DNAH9: variants seen among roughly 807,000 people sequenced by gnomAD.
DNAH9 encodes the protein DNAH9 variant protein.
Under a neutral mutation model 471.6 loss-of-function variants are expected in DNAH9, and 345 were observed. That is an observed-to-expected ratio of 0.73 (90% CI 0.67 to 0.80). DNAH9 has a LOEUF of 0.80. DNAH9 is among the 30% of genes least tolerant of loss of function. DNAH9 has a pLI of 0.00. For synonymous variants in DNAH9, 2,093 were observed against 2,123.6 expected (o/e 0.99, Z 0.40); for missense variants, 5,407 against 5,609.2 (o/e 0.96, Z 1.15).
chr17:11,903,053 T>A, intron 60 of DNAH9, 141 bp downstream of exon 60: 2 of 957,910 alleles, frequency 2.1e-6, no homozygotes, highest in Non-Finnish European at 3.0e-6. Context: ...AGAAATTAAC[T>A]AAACAGGCCA....
intron 42 of DNAH9, among the ~76,000 whole-genome samples, chr17:11,797,228 G>T (rs566239176): frequency 2.0e-5 from 3 of 152,212 alleles, no homozygotes; most frequent in African/African-American, 7.2e-5. Flanking sequence ...AAAGTGAGGC[G>T]ATTGGGCCAC....
In DNAH9 at chr17:11,942,439, C is replaced by T. The variant is rs764717107; in HGVS notation, c.12797C>T (p.Thr4266Ile). 8 of 1,614,118 alleles carry T rather than the reference C, an allele frequency of 5.0e-6. No individual in the cohort carries two copies. In the East Asian group the frequency reaches 1.8e-4, roughly 36 times the overall value. The change falls in exon 67 of 69, where the codon ACC (threonine) becomes ATC (isoleucine). Residue 4266 changes from threonine to isoleucine, a missense_variant. Thr to Ile is a moderately conservative substitution (Grantham distance 89). Coordinates refer to ENST00000262442, the MANE Select transcript of DNAH9 (RefSeq NM_001372.4). Reference sequence around the variant, plus strand: ...GAGTGTGGCCGGATGAATATCCTCACCAGAGAGATTCAGCGCTCACTGAGG... The same window carrying T: ...GAGTGTGGCCGGATGAATATCCTCATCAGAGAGATTCAGCGCTCACTGAGG... Reference protein sequence around the residue: ...FQECGRMNILTREIQRSLREL... With the variant: ...FQECGRMNILIREIQRSLREL...
intron 28 of DNAH9, among the ~76,000 whole-genome samples, chr17:11,728,191 G>T (rs973556699): frequency 2.0e-5 from 3 of 152,084 alleles, no homozygotes; most frequent in Admixed American, 6.6e-5. Context: ...TATCTGTCCT[G>T]CCTGCTTCAT....
intron 38 of DNAH9, among the ~76,000 whole-genome samples, chr17:11,777,068 T>C (rs1185258902): frequency 6.6e-6 from 1 of 152,240 alleles, no homozygotes; most frequent in African/African-American, 2.4e-5. Flanking sequence ...GACCATTCTG[T>C]AGCCTGATAT....
At chr17:11,701,080 A>G in intron 23 of DNAH9, 42 bp from the exon 24 acceptor site, 1 of 1,612,238 alleles carries the variant, frequency 6.2e-7, no homozygotes, top group South Asian at 1.1e-5. Context: ...ACTAACCAAA[A>G]CTTCTCAGGC....
At chr17:11,651,436 GTC>G (rs2073504675) in intron 13 of DNAH9, 112 bp downstream of exon 13, 2 of 1,139,136 alleles carry the variant, frequency 1.8e-6, no homozygotes, top group Admixed American at 4.9e-5. Context: ...TGAAACATAA[GTC>G]TGTCTTCTCC....
chr17:11,874,313 A>G (rs1972391050), intron 52 of DNAH9, among the ~76,000 whole-genome samples: 1 of 151,934 alleles, frequency 6.6e-6, no homozygotes, highest in Admixed American at 6.6e-5. Context: ...TGTCTAGGGC[A>G]CACACAGGAG....
chr17:11,894,431 C>G lies in DNAH9; in HGVS notation c.11341C>G (p.Pro3781Ala), dbSNP rs78870819. ...AVELDFLLRS[P>A]VQTGTASPVE... is the part of the protein sequence containing the mutation. ...GGAGTTGGATTTCCTGCTTCGATCTCCAGTGCAGACGGGCACCGCCAGCCC... is the reference window on the plus strand; with the variant it reads ...GGAGTTGGATTTCCTGCTTCGATCTGCAGTGCAGACGGGCACCGCCAGCCC... The change falls in exon 59 of 69, where the codon CCA becomes GCA. Residue 3781 changes from proline to alanine, a missense_variant. This residue lies in a region of DNAH9 where 4,636 missense variants were observed against 4,900.3 expected (regional missense o/e 0.95). Transcript: ENST00000262442. The G allele has an allele frequency of 1.2e-6, 2 of 1,614,188 alleles. No homozygotes were observed. Among genetic ancestry groups the G allele is most frequent in the South Asian group, 2.2e-5 (2 of 91,082 alleles).
chr17:11,732,725 A>C (rs1348343248), intron 28 of DNAH9, among the ~76,000 whole-genome samples: 1 of 152,170 alleles, frequency 6.6e-6, no homozygotes. Context: ...TTACTATTGC[A>C]ATCAGCTGTC....
At chr17:11,829,574 C>T (rs141787658) in intron 48 of DNAH9, among the ~76,000 whole-genome samples, 265 of 152,288 alleles carry the variant, frequency 1.7e-3, no homozygotes, top group African/African-American at 5.4e-3. Context: ...CAGGTTCAAA[C>T]GATTCTCATG....
chr17:11,787,115 G>T (rs1159882478), intron 41 of DNAH9, among the ~76,000 whole-genome samples: 3 of 152,180 alleles, frequency 2.0e-5, no homozygotes, highest in African/African-American at 7.2e-5. Flanking sequence ...TCACGAATCC[G>T]AATTGGGTAG....
At chr17:11,935,660 C>CCGT (rs1567561797) in intron 65 of DNAH9, among the ~76,000 whole-genome samples, 2 of 152,162 alleles carry the variant, frequency 1.3e-5, no homozygotes, top group Non-Finnish European at 2.9e-5. Context: ...AGGCGTGAGC[C>CCGT]ACCGCGCCCG....
intron 31 of DNAH9, among the ~76,000 whole-genome samples, chr17:11,747,353 A>G (rs976040625): frequency 6.6e-6 from 1 of 152,180 alleles, no homozygotes; most frequent in Non-Finnish European, 1.5e-5. Flanking sequence ...GGTGACTAAT[A>G]ATTATATAAC....
intron 41 of DNAH9, among the ~76,000 whole-genome samples, chr17:11,786,754 G>A (rs1050197408): frequency 2.6e-5 from 4 of 152,202 alleles, no homozygotes; most frequent in East Asian, 1.9e-4. Context: ...ACACCTTGTG[G>A]TAGTGGTCAC....
chr17:11,622,084 C>CAA lies in DNAH9; in HGVS notation c.1350+2318_1350+2319dup, dbSNP rs34441543. ...CTGGGGACAGAGCGAGACTCCGTCT[C>CAA]AAAAAAAAAAAAAAAAGTGAGATTG... is the stretch of plus-strand genomic sequence containing the variant. On this transcript the variant is annotated intron_variant, in intron 6 of 68. Coordinates refer to ENST00000262442, the MANE Select transcript of DNAH9 (RefSeq NM_001372.4). Among the ~76,000 whole-genome samples the CAA allele has an allele frequency of 8.4e-3, 1,053 of 124,978 alleles. 9 individuals carry two copies. Among genetic ancestry groups the CAA allele is most frequent in the Admixed American group, 0.029 (376 of 12,786 alleles). 82.0% of individuals were successfully genotyped at this position (124,978 alleles called of 152,430 possible). A position where few individuals can be genotyped will look rare whatever the true frequency, so the allele number is the denominator to read the frequency against.
At chr17:11,616,548 A>G (rs937590064) in intron 4 of DNAH9, among the ~76,000 whole-genome samples, 1 of 152,192 alleles carries the variant, frequency 6.6e-6, no homozygotes, top group Non-Finnish European at 1.5e-5. Context: ...CGTGTCAGTC[A>G]CCACAAGACG....
At chr17:11,695,070 A>G (rs2074450316) in intron 22 of DNAH9, among the ~76,000 whole-genome samples, 1 of 150,384 alleles carries the variant, frequency 6.6e-6, no homozygotes, top group Non-Finnish European at 1.5e-5. Flanking sequence ...TTTGTATTTT[A>G]GTAGAGACGG....
intron 42 of DNAH9, 33 bp downstream of exon 42, chr17:11,793,697 T>C: frequency 6.7e-7 from 1 of 1,501,838 alleles, no homozygotes. Context: ...TCTTTGTATT[T>C]GAAAAAAAAA....
rs1367091356 is a variant in DNAH9, at chr17:11,757,667, A to G, written c.6970A>G (p.Thr2324Ala). The G allele has an allele frequency of 6.2e-7, 1 of 1,613,996 alleles. No homozygotes were observed. The highest frequency in any genetic ancestry group is 8.5e-7 in the Non-Finnish European group (1 of 1,180,026). ...LTILFDKYLP[T>A]CLDTLRTRFK... ...CATTTTGTTCGACAAGTATCTTCCA[A>G]CCTGCCTAGACACACTCAGAACCAG... Residue 2324 changes from threonine (T) to alanine (A), a missense_variant, in exon 35 of 69, where the codon ACC becomes GCC. This residue lies in a region of DNAH9 where 4,636 missense variants were observed against 4,900.3 expected (regional missense o/e 0.95). Transcript: ENST00000262442.
Sources: gnomAD v4.1 joint callset for allele counts (sites outside exome capture counted in the v4.1 genomes callset) on GRCh38, gnomAD v4.1.1 for gene constraint, gnomAD v4.1.1 regional missense constraint, MANE v1.5 for transcripts, NCBI Gene and HGNC (gene_info 2026-07-23, HGNC 2026-07-21) for gene names.